Variants in SHKBP1 observed in about 807,000 individuals in gnomAD.
SHKBP1 encodes the protein SH3KBP1 binding protein 1, also known as SH3KBP1-binding protein 1.
Under a neutral mutation model 83.9 loss-of-function variants are expected in SHKBP1, and 71 were observed. That is an observed-to-expected ratio of 0.85 (90% confidence interval 0.70 to 1.03). The LOEUF is 1.03. SHKBP1 is among the 50% of genes least tolerant of loss of function. The pLI is 0.00. For missense variants in SHKBP1, 824 were observed against 982.4 expected (o/e 0.84, Z 2.16); for synonymous variants, 371 against 398.0 (o/e 0.93, Z 0.81).
intron 12 of SHKBP1, among the ~76,000 whole-genome samples, chr19:40,584,766 G>A (rs1236874712): frequency 6.6e-6 from 1 of 152,148 alleles, no homozygotes. Flanking sequence ...AGGATTACAG[G>A]TGTGCATCAC....
At chr19:40,582,884 C>G (rs1222673767) in intron 10 of SHKBP1, among the ~76,000 whole-genome samples, 1 of 151,828 alleles carries the variant, frequency 6.6e-6, no homozygotes, top group Non-Finnish European at 1.5e-5. Context: ...GGCAGAAAAC[C>G]AGGCAAATAG....
At position 40,590,333 on chromosome 19, in the gene SHKBP1, C is replaced by T; in HGVS notation, c.1679C>T (p.Pro560Leu). 1 of 1,611,500 alleles carries T rather than the reference C, an allele frequency of 6.2e-7. No individual in the cohort carries two copies. Among genetic ancestry groups the T allele is most frequent in the South Asian group, 1.1e-5 (1 of 90,764 alleles). ...CEGSRRLGSR[P>L]RRYLLTGQAN... The stretch of plus-strand genomic sequence containing the variant: ...GGCTCCCGGCGGCTCGGCTCTCGGC[C>T]CCGGCGCTACCTGCTCACTGGCCAG... The change falls in exon 16 of 18, where the codon CCC becomes CTC. Residue 560 changes from proline (P) to leucine (L), a missense_variant. Pro to Leu is a moderately conservative substitution (Grantham distance 98). Transcript: ENST00000291842. This position sits in a 1 kb window ranked among gnomAD's most constrained non-coding sequence, Gnocchi z 4.6.
Position 40,580,711 on chromosome 19 carries a change from C to T in SHKBP1, c.654-35C>T, listed in dbSNP as rs200554435. The T allele has an allele frequency of 6.8e-5, 110 of 1,613,576 alleles. No individual in the cohort carries two copies. In the East Asian group the frequency reaches 1.4e-3, roughly 20 times the overall value. ...CAGCCCTGTTGATGGGAAGGGCATG[C>T]GGTGAGGGTTGGTGATGTCCCCTCG... On this transcript the variant is annotated intron_variant, in intron 8 of 17. Transcript: ENST00000291842.
chr19:40,589,933 A>T (rs1454047303), intron 15 of SHKBP1, among the ~76,000 whole-genome samples: 1 of 151,766 alleles, frequency 6.6e-6, no homozygotes, highest in African/African-American at 2.4e-5. Context: ...AGGAGGCTTG[A>T]TGGGAGGCCA....
chr19:40,585,570 T>A (rs1599844595), intron 12 of SHKBP1: 2 of 147,202 alleles, frequency 1.4e-5, no homozygotes, highest in Non-Finnish European at 3.0e-5. Context: ...TGAGACAGAG[T>A]ATCGCTCTGT....
In SHKBP1 at chr19:40,590,574, T is replaced by G; in HGVS notation, c.1768+152T>G. 7.8e-7 allele frequency: 1 copy of G among 1,288,310 alleles called. No individual in the cohort carries two copies. Among genetic ancestry groups the G allele is most frequent in the Non-Finnish European group, 1.1e-6 (1 of 930,552 alleles). The allele number at this position is 1,288,310 out of a possible 1,614,324, so 79.8% of individuals were successfully genotyped here. A position where few individuals can be genotyped will look rare whatever the true frequency, so the allele number is the denominator to read the frequency against. Reference sequence around the variant, plus strand: ...CTCTGCTCCCCATCCCTTCCTGCCCTTGTTTTTCAACCCCTGTCTCAGCCT... The same window carrying G: ...CTCTGCTCCCCATCCCTTCCTGCCCGTGTTTTTCAACCCCTGTCTCAGCCT... On this transcript the variant is annotated intron_variant, in intron 16 of 17. Coordinates refer to ENST00000291842, the MANE Select transcript of SHKBP1 (RefSeq NM_138392.4). This position sits in a 1 kb window ranked among gnomAD's most constrained non-coding sequence, Gnocchi z 4.6.
chr19:40,577,361 G>A (rs1255860553), intron 2 of SHKBP1, 35 bp from the exon 3 acceptor site: 1 of 1,613,802 alleles, frequency 6.2e-7, no homozygotes, highest in Admixed American at 1.7e-5. Flanking sequence ...CACTCCCCCG[G>A]CCCGTGACGC....
chr19:40,582,671 C>T (rs573149224), intron 10 of SHKBP1, among the ~76,000 whole-genome samples: 1 of 152,060 alleles, frequency 6.6e-6, no homozygotes, highest in South Asian at 2.1e-4. Context: ...CTGCAGAGCC[C>T]ACATGAAGCA....
At chr19:40,586,095 A>G (rs2081309669) in intron 12 of SHKBP1, among the ~76,000 whole-genome samples, 1 of 151,982 alleles carries the variant, frequency 6.6e-6, no homozygotes, top group Non-Finnish European at 1.5e-5. Flanking sequence ...TTTTGTAGAG[A>G]TGAGGGTCTC....
chr19:40,589,900 G>A (rs982651808), intron 15 of SHKBP1, among the ~76,000 whole-genome samples: 1 of 151,970 alleles, frequency 6.6e-6, no homozygotes, highest in Non-Finnish European at 1.5e-5. Flanking sequence ...GCGGGGAGCC[G>A]TGGCCACTGC....
rs1478801373 is a variant in SHKBP1, at chr19:40,576,996, G to A, written c.86+11G>A. Reference sequence around the variant, plus strand: ...TGTGGGAGGCAAGAGGTGAGTGTGGGAGACTCCTGAGGTCCCATCCTCGGG... The same window carrying A: ...TGTGGGAGGCAAGAGGTGAGTGTGGAAGACTCCTGAGGTCCCATCCTCGGG... On this transcript the variant is annotated intron_variant, in intron 1 of 17. Transcript: ENST00000291842. The A allele has an allele frequency of 3.3e-6, 5 of 1,506,886 alleles. No homozygotes were observed. In the African/African-American group the frequency reaches 4.2e-5, roughly 13 times the overall value. 93.3% of individuals were successfully genotyped at this position (1,506,886 alleles called of 1,614,324 possible). A position where few individuals can be genotyped will look rare whatever the true frequency, so the allele number is the denominator to read the frequency against.
intron 15 of SHKBP1, among the ~76,000 whole-genome samples, chr19:40,589,897 G>T (rs952487700): frequency 3.3e-5 from 5 of 151,976 alleles, no homozygotes; most frequent in African/African-American, 1.2e-4. Context: ...TGTGCGGGGA[G>T]CCGTGGCCAC....
chr19:40,577,947 CTACA>C (rs760903318), intron 4 of SHKBP1: 1 of 568,292 alleles, frequency 1.8e-6, no homozygotes, highest in Non-Finnish European at 3.1e-6. Flanking sequence ...CGATTTCTCC[CTACA>C]CACACACACA....
intron 2 of SHKBP1, 23 bp from the exon 3 acceptor site, chr19:40,577,373 T>A: frequency 6.2e-7 from 1 of 1,613,970 alleles, no homozygotes; most frequent in Non-Finnish European, 8.5e-7. Context: ...CCGTGACGCC[T>A]GCTCGGTGTC....
rs771564603 is a variant in SHKBP1, at chr19:40,590,781, T to G, written c.1820T>G (p.Leu607Arg). The change falls in exon 17 of 18, where the codon CTG (leucine) becomes CGG (arginine). Residue 607 changes from leucine to arginine, a missense_variant. Around this residue, in one of 3 missense-constraint regions of SHKBP1, gnomAD observed 287 missense variants for 322.9 expected, o/e 0.89. Coordinates refer to ENST00000291842, the MANE Select transcript of SHKBP1 (RefSeq NM_138392.4). This position sits in a 1 kb window ranked among gnomAD's most constrained non-coding sequence, Gnocchi z 4.6. ...ELMEQLEHCE[L>R]APPAPSAPSW... ...ATGGAACAGCTGGAACACTGTGAGC[T>G]GGCCCCGCCGGCTCCTTCAGCTCCC... The G allele has an allele frequency of 1.9e-6, 3 of 1,602,252 alleles. No individual in the cohort carries two copies. In the African/African-American group the frequency reaches 4.0e-5, roughly 21 times the overall value.
At position 40,591,166 on chromosome 19, in the gene SHKBP1, C is replaced by T. The variant is rs763555949; in HGVS notation, c.2083C>T (p.Leu695Phe). The T allele has an allele frequency of 3.1e-6, 5 of 1,598,614 alleles. No individual in the cohort carries two copies. Among genetic ancestry groups the T allele is most frequent in the Non-Finnish European group, 4.3e-6 (5 of 1,167,590 alleles). ...PWPSSGLGTP[L>F]TPPKMKLNET... ...GCCCTCCAGCGGTCTCGGCACTCCCCTCACACCTCCCAAGATGAAGCTCAA... is the reference window on the plus strand; with the variant it reads ...GCCCTCCAGCGGTCTCGGCACTCCCTTCACACCTCCCAAGATGAAGCTCAA... The change falls in exon 18 of 18, where the codon CTC (leucine) becomes TTC (phenylalanine). Residue 695 changes from leucine to phenylalanine, a missense_variant. By Grantham distance (22) the Leu-to-Phe change is conservative (BLOSUM62 0). Transcript: ENST00000291842.
At position 40,586,882 on chromosome 19, in the gene SHKBP1, C is replaced by A; in HGVS notation, c.1274C>A (p.Thr425Asn). 2 of 1,613,030 alleles carry A rather than the reference C, an allele frequency of 1.2e-6. No individual in the cohort carries two copies. The highest frequency in any genetic ancestry group is 2.7e-5 in the African/African-American group (2 of 75,012). The change falls in exon 13 of 18, where the codon ACC (threonine) becomes AAC (asparagine). Residue 425 changes from threonine to asparagine, a missense_variant. Transcript: ENST00000291842. ...TVGSGPQLFQ[T>N]FTVHRSPVTK... ...GGCTCGGGGCCTCAGCTCTTCCAGA[C>A]CTTCACTGTGCACCGCAGCCCTGTC...
Position 40,590,908 on chromosome 19 carries a change from G to A in SHKBP1, c.1892+55G>A, listed in dbSNP as rs1181432464. On this transcript the variant is annotated intron_variant, in intron 17 of 17. Transcript: ENST00000291842. The surrounding 1 kb of genome is among the most constrained non-coding windows in gnomAD (Gnocchi z 4.6). Reference sequence around the variant, plus strand: ...CAATGAGGGGAGAGGGGACAGCATGGTGTTCCCGGGGACAGAGTGGCCCAG... The same window carrying A: ...CAATGAGGGGAGAGGGGACAGCATGATGTTCCCGGGGACAGAGTGGCCCAG... The A allele has an allele frequency of 3.2e-6, 5 of 1,569,206 alleles. No individual in the cohort carries two copies. In the East Asian group the frequency reaches 9.1e-5, roughly 29 times the overall value.
chr19:40,591,193 G>A lies in SHKBP1; in HGVS notation c.2110G>A (p.Glu704Lys), dbSNP rs1482780523. The change falls in exon 18 of 18, where the codon GAA becomes AAA. Residue 704 changes from glutamate to lysine, a missense_variant. Around this residue, in one of 3 missense-constraint regions of SHKBP1, gnomAD observed 287 missense variants for 322.9 expected, o/e 0.89. Coordinates refer to ENST00000291842, the MANE Select transcript of SHKBP1 (RefSeq NM_138392.4). ...CACACCTCCCAAGATGAAGCTCAAT[G>A]AAACTTCCTTTTGAACAACGCAGCT... ...PLTPPKMKLN[E>K]TSF 1.3e-6 allele frequency: 2 copies of A among 1,585,946 alleles called. No individual in the cohort carries two copies. The highest frequency in any genetic ancestry group is 1.7e-6 in the Non-Finnish European group (2 of 1,158,360).
Sources: gnomAD v4.1 joint callset for allele counts (sites outside exome capture counted in the v4.1 genomes callset) on GRCh38, gnomAD v4.1.1 for gene constraint, gnomAD v4.1.1 regional missense constraint, Gnocchi (gnomAD v3.1) non-coding constraint, MANE v1.5 for transcripts, NCBI Gene and HGNC (gene_info 2026-07-23, HGNC 2026-07-21) for gene names.